The following PALLD variants were observed in gnomAD, a reference collection of about 807,000 sequenced individuals.
The protein encoded by PALLD is palladin.
Under a neutral mutation model 123.5 loss-of-function variants are expected in PALLD, and 61 were observed. The ratio of observed to expected loss-of-function variants is 0.49; its 90% CI spans 0.40 to 0.61. The LOEUF (loss-of-function observed/expected upper bound fraction) is 0.61. Ranked by LOEUF, PALLD falls within the 20% of genes least tolerant of loss-of-function variation. The pLI is 0.00. For synonymous variants in PALLD, 465 were observed against 496.4 expected, an observed-to-expected ratio of 0.94 and a Z score of 0.84; for missense variants, 1,273 against 1,377.0, an observed-to-expected ratio of 0.92 and a Z score of 1.20.
chr4:168,733,624 G>A (rs963463889), intron 10 of PALLD, among the ~76,000 whole-genome samples: 10 of 151,904 alleles, frequency 6.6e-5, no homozygotes, highest in African/African-American at 2.4e-4. Flanking sequence ...TAGAGACAGG[G>A]TTTTGCTTTG....
chr4:168,860,596 G>A (rs1325559790), intron 10 of PALLD, among the ~76,000 whole-genome samples: 1 of 152,170 alleles, frequency 6.6e-6, no homozygotes, highest in Non-Finnish European at 1.5e-5. Context: ...GCCGAGGTGG[G>A]CAGATCACTT....
Position 168,650,393 on chromosome 4 carries a change from C to T in PALLD, c.909-17797C>T, listed in dbSNP as rs567423899. Among the ~76,000 whole-genome samples the T allele has an allele frequency of 1.9e-3, 283 of 152,270 alleles. 1 individual carries two copies. The highest frequency in any genetic ancestry group is 6.3e-3 in the African/African-American group (260 of 41,562). The stretch of plus-strand genomic sequence containing the variant: ...AGAATAGAAGTCTACAGTTAGTCTA[C>T]GATGTGTTGTTGACAGCTGCGTCTA... On this transcript the variant is annotated intron_variant, in intron 2 of 21. Transcript: ENST00000505667.
intron 10 of PALLD, among the ~76,000 whole-genome samples, chr4:168,889,569 T>C (rs1753869417): frequency 6.6e-6 from 1 of 152,156 alleles, no homozygotes; most frequent in South Asian, 2.1e-4. Context: ...GAAATTCTTA[T>C]CCATTTCTAG....
chr4:168,755,988 A>G (rs553723036), intron 10 of PALLD: 15 of 164,272 alleles, frequency 9.1e-5, no homozygotes, highest in African/African-American at 3.4e-4. Context: ...CAGATTGACA[A>G]ATGCTGAGAA....
intron 10 of PALLD, among the ~76,000 whole-genome samples, chr4:168,748,472 C>G (rs1730603381): frequency 6.6e-6 from 1 of 152,214 alleles, no homozygotes; most frequent in African/African-American, 2.4e-5. Context: ...GCTTAGTTGA[C>G]TTCTATGGTG....
chr4:168,856,607 C>A (rs1055934281), intron 10 of PALLD, among the ~76,000 whole-genome samples: 2 of 152,166 alleles, frequency 1.3e-5, no homozygotes, highest in African/African-American at 4.8e-5. Flanking sequence ...TGATGCTGAG[C>A]ATTTTTTCAT....
chr4:168,602,517 A>G (rs1772768322), intron 2 of PALLD, among the ~76,000 whole-genome samples: 1 of 152,192 alleles, frequency 6.6e-6, no homozygotes, highest in Non-Finnish European at 1.5e-5. Flanking sequence ...CCATGCAGAA[A>G]TATTGCCAGG....
intron 2 of PALLD, among the ~76,000 whole-genome samples, chr4:168,533,888 G>C (rs1400844056): frequency 2.0e-5 from 3 of 152,170 alleles, no homozygotes; most frequent in Non-Finnish European, 4.4e-5. Flanking sequence ...AGAAGGATTT[G>C]CCACATTGAC....
chr4:168,845,906 T>C (rs897557790), intron 10 of PALLD, among the ~76,000 whole-genome samples: 1 of 152,244 alleles, frequency 6.6e-6, no homozygotes, highest in Non-Finnish European at 1.5e-5. Flanking sequence ...ACTGATTTAT[T>C]TGACAAGCCC....
chr4:168,786,593 G>A (rs1418644234), intron 10 of PALLD, among the ~76,000 whole-genome samples: 2 of 152,142 alleles, frequency 1.3e-5, no homozygotes, highest in East Asian at 1.9e-4. Flanking sequence ...TAGTTTGAGT[G>A]CAGGAGGTCG....
intron 2 of PALLD, among the ~76,000 whole-genome samples, chr4:168,587,067 C>T (rs1770898956): frequency 6.6e-6 from 1 of 152,100 alleles, no homozygotes. Context: ...GAGTAGAAGC[C>T]AGAGAAGCTG....
chr4:168,680,073 T>G lies in PALLD; in HGVS notation c.1088-1259T>G, dbSNP rs149430429. 1.6e-3 allele frequency among the ~76,000 whole-genome samples: 247 copies of G among 152,282 alleles called. 1 individual carries two copies. Among genetic ancestry groups the G allele is most frequent in the African/African-American group, 5.7e-3 (237 of 41,542 alleles). ...TATCCAAGAGAATGCAGTGAACGTATGTATTCTAAATCTACTGATAGGCAA... is the reference window on the plus strand; with the variant it reads ...TATCCAAGAGAATGCAGTGAACGTAGGTATTCTAAATCTACTGATAGGCAA... On this transcript the variant is annotated intron_variant, in intron 3 of 21. Coordinates refer to ENST00000505667, the MANE Select transcript of PALLD (RefSeq NM_001166108.2).
At chr4:168,801,100 G>A (rs1739257019) in intron 10 of PALLD, among the ~76,000 whole-genome samples, 1 of 152,136 alleles carries the variant, frequency 6.6e-6, no homozygotes, top group African/African-American at 2.4e-5. Flanking sequence ...GAATAGTAAA[G>A]TTAGAAAGAA....
intron 2 of PALLD, among the ~76,000 whole-genome samples, chr4:168,588,455 G>A (rs1461971277): frequency 1.3e-5 from 2 of 152,022 alleles, no homozygotes; most frequent in Non-Finnish European, 2.9e-5. Flanking sequence ...CCAGGCTGGA[G>A]TGCAGTGGCG....
chr4:168,644,183 G>A (rs1777218942), intron 2 of PALLD, among the ~76,000 whole-genome samples: 1 of 151,524 alleles, frequency 6.6e-6, no homozygotes, highest in African/African-American at 2.4e-5. Flanking sequence ...CCACCTCCCG[G>A]GTTCAAGTGA....
intron 2 of PALLD, among the ~76,000 whole-genome samples, chr4:168,660,590 C>G (rs1350333267): frequency 1.0e-5 from 1 of 98,264 alleles, no homozygotes; most frequent in Non-Finnish European, 2.1e-5. Context: ...GCAACAACAA[C>G]AATACACACA....
At chr4:168,764,965 T>TA (rs1239066958) in intron 10 of PALLD, among the ~76,000 whole-genome samples, 9 of 152,208 alleles carry the variant, frequency 5.9e-5, no homozygotes, top group African/African-American at 1.7e-4. Flanking sequence ...ATCGAGGGTT[T>TA]ATACACTGCC....
intron 10 of PALLD, among the ~76,000 whole-genome samples, chr4:168,883,748 G>C (rs1166655323): frequency 6.6e-6 from 1 of 152,160 alleles, no homozygotes. Context: ...TACTGTTAAA[G>C]CCAGAGTAAA....
chr4:168,922,032 A>G (rs1021587985), intron 18 of PALLD, among the ~76,000 whole-genome samples: 4 of 151,682 alleles, frequency 2.6e-5, no homozygotes, highest in Non-Finnish European at 5.9e-5. Context: ...AAATAGTAAC[A>G]GCAGCATGGA....
Sources: allele counts gnomAD v4.1 joint callset (sites outside exome capture counted in the v4.1 genomes callset), GRCh38; gene constraint gnomAD v4.1.1; transcripts MANE v1.5; gene names NCBI Gene and HGNC (gene_info 2026-07-23, HGNC 2026-07-21).